Variants in SGCD observed in about 807,000 individuals in gnomAD.
The protein encoded by SGCD is sarcoglycan delta.
A neutral mutation model predicts 36.6 loss-of-function variants in SGCD; 18 were observed. The observed-to-expected ratio is 0.49, with a 90% CI of 0.34 to 0.73. SGCD has a LOEUF of 0.73. Ranked by LOEUF, SGCD falls within the 30% of genes least tolerant of loss-of-function variation. The pLI is 0.01. For missense variants in SGCD, 387 were observed against 346.7 expected (o/e 1.12, Z -0.92); for synonymous variants, 133 against 130.6 (o/e 1.02, Z -0.12).
intron 1 of SGCD, among the ~76,000 whole-genome samples, chr5:155,994,879 A>G (rs1758507479): frequency 6.6e-6 from 1 of 152,046 alleles, no homozygotes; most frequent in South Asian, 2.1e-4. Flanking sequence ...TTCAGGTTGA[A>G]TTTTCCTGGT....
chr5:156,585,922 A>G (rs1760472963), intron 4 of SGCD, among the ~76,000 whole-genome samples: 1 of 152,176 alleles, frequency 6.6e-6, no homozygotes, highest in African/African-American at 2.4e-5. Context: ...TGAAGCAAGT[A>G]CAAGGGTATT....
chr5:156,483,376 C>A (rs1301174723), intron 3 of SGCD, among the ~76,000 whole-genome samples: 1 of 152,152 alleles, frequency 6.6e-6, no homozygotes, highest in East Asian at 1.9e-4. Context: ...TCTCAGATGT[C>A]TGACTGTGAG....
chr5:156,538,960 G>A (rs531875651), intron 4 of SGCD, among the ~76,000 whole-genome samples: 2 of 152,218 alleles, frequency 1.3e-5, no homozygotes, highest in South Asian at 2.1e-4. Flanking sequence ...CTGAAGGGAT[G>A]TGTGCATTGT....
intron 2 of SGCD, among the ~76,000 whole-genome samples, chr5:156,331,734 TA>T (rs1561624519): frequency 1.3e-5 from 2 of 152,108 alleles, no homozygotes; most frequent in African/African-American, 4.8e-5. Context: ...GAGTTCAGAG[TA>T]AATAAATACC....
chr5:156,624,513 G>A (rs1217689137), intron 6 of SGCD, among the ~76,000 whole-genome samples: 5 of 152,100 alleles, frequency 3.3e-5, no homozygotes, highest in South Asian at 2.1e-4. Flanking sequence ...CCCAGGAGGC[G>A]GAGTTTGCAG....
At chr5:156,294,344 C>G (rs1047817611) in intron 3 of SGCD, among the ~76,000 whole-genome samples, 1 of 152,066 alleles carries the variant, frequency 6.6e-6, no homozygotes, top group Admixed American at 6.6e-5. Context: ...TTCTTGTAAT[C>G]CCAGCATCTC....
chr5:156,177,784 G>A (rs933743958), intron 3 of SGCD, among the ~76,000 whole-genome samples: 7 of 152,152 alleles, frequency 4.6e-5, no homozygotes, highest in Non-Finnish European at 8.8e-5. Flanking sequence ...AATTTTTGTT[G>A]CTGTAGACTT....
intron 7 of SGCD, among the ~76,000 whole-genome samples, chr5:156,671,108 A>C (rs998714488): frequency 6.6e-6 from 1 of 151,502 alleles, no homozygotes; most frequent in Non-Finnish European, 1.5e-5. Flanking sequence ...TCATAGAGAT[A>C]CTGTCTTCTT....
intron 1 of SGCD, among the ~76,000 whole-genome samples, chr5:155,873,223 C>T (rs952379375): frequency 2.0e-5 from 3 of 152,060 alleles, no homozygotes; most frequent in African/African-American, 7.2e-5. Context: ...TTTAGTTAGC[C>T]ACAACACACA....
chr5:156,184,698 T>A (rs556224886), intron 3 of SGCD, among the ~76,000 whole-genome samples: 1 of 152,284 alleles, frequency 6.6e-6, no homozygotes, highest in Non-Finnish European at 1.5e-5. Flanking sequence ...ACCACCTCCT[T>A]ATTCCCTCCT....
chr5:156,688,137 T>C (rs1323809199), intron 7 of SGCD, among the ~76,000 whole-genome samples: 2 of 152,144 alleles, frequency 1.3e-5, no homozygotes, highest in Admixed American at 6.6e-5. Flanking sequence ...CGGGGGTTTG[T>C]TGTACTGATT....
At position 156,350,843 on chromosome 5, in the gene SGCD, A is replaced by G. The variant is rs1470881868; in HGVS notation, c.192+6166A>G. 2.6e-5 allele frequency among the ~76,000 whole-genome samples: 4 copies of G among 152,162 alleles called. No homozygotes were observed. In the East Asian group the frequency reaches 7.7e-4, roughly 29 times the overall value. On this transcript the variant is annotated intron_variant, in intron 3 of 8. Transcript: ENST00000337851. ...ATCTTTTAACTTTCATAACTCTACA[A>G]ATTTAATATTGTTATTCCCACTGAA... is the stretch of plus-strand genomic sequence containing the variant.
chr5:155,928,535 G>T (rs1483409052), intron 1 of SGCD, among the ~76,000 whole-genome samples: 3 of 151,832 alleles, frequency 2.0e-5, no homozygotes, highest in Non-Finnish European at 2.9e-5. Context: ...GGGTTCGGTG[G>T]TGCACACCTG....
intron 2 of SGCD, among the ~76,000 whole-genome samples, chr5:156,334,884 C>T (rs1412897109): frequency 2.6e-5 from 4 of 152,000 alleles, no homozygotes; most frequent in South Asian, 2.1e-4. Context: ...ACTGAATATA[C>T]GTCTATGATA....
chr5:156,761,888 G>A lies in SGCD; in HGVS notation c.*2498G>A, dbSNP rs1176510793. 6.6e-6 allele frequency: 1 copy of A among 152,142 alleles called. No homozygotes were observed. The highest frequency in any genetic ancestry group is 2.1e-4 in the South Asian group (1 of 4,820). The allele number at this position is 152,142 out of a possible 1,614,324, so 9.4% of individuals were successfully genotyped here. Reference sequence around the variant, plus strand: ...ACCATATAAATCAAGTACCTATTGGGAACAGACATAACATTCAATTTTTCA... The same window carrying A: ...ACCATATAAATCAAGTACCTATTGGAAACAGACATAACATTCAATTTTTCA... On this transcript the variant is annotated 3_prime_UTR_variant, in exon 9 of 9. Coordinates refer to ENST00000337851, the MANE Select transcript of SGCD (RefSeq NM_000337.6).
At chr5:156,597,770 A>G (rs1333351460) in intron 6 of SGCD, among the ~76,000 whole-genome samples, 1 of 152,110 alleles carries the variant, frequency 6.6e-6, no homozygotes, top group Non-Finnish European at 1.5e-5. Context: ...TAAAAGGTCT[A>G]TTGATTACTT....
At position 155,936,243 on chromosome 5, in the gene SGCD, G is replaced by A. The variant is rs1757197039; in HGVS notation, c.-282+65819G>A. ...TACAGCCCTTTTAGCCCTGCCATTC[G>A]ACGGGTCCCGAGTTCTTGTTCTGCA... On this transcript the variant is annotated intron_variant, in intron 1 of 9. Transcript: ENST00000517913. 3.9e-5 allele frequency among the ~76,000 whole-genome samples: 6 copies of A among 152,284 alleles called. 1 individual carries two copies. In the South Asian group the frequency reaches 1.0e-3, roughly 26 times the overall value.
chr5:155,912,092 C>G (rs1022500853), intron 1 of SGCD, among the ~76,000 whole-genome samples: 22 of 152,026 alleles, frequency 1.4e-4, no homozygotes, highest in Non-Finnish European at 1.5e-5. Flanking sequence ...CACTCATTCT[C>G]CACTTTAGTG....
At chr5:156,013,576 C>A (rs913271291) in intron 1 of SGCD, among the ~76,000 whole-genome samples, 3 of 152,042 alleles carry the variant, frequency 2.0e-5, no homozygotes, top group African/African-American at 7.2e-5. Flanking sequence ...TGTATTTAAG[C>A]TTTTTTCTTT....
Sources: allele counts gnomAD v4.1 joint callset (sites outside exome capture counted in the v4.1 genomes callset), GRCh38; gene constraint gnomAD v4.1.1; transcripts MANE v1.5; gene names NCBI Gene and HGNC (gene_info 2026-07-23, HGNC 2026-07-21).